The following GAP43 variants were observed in gnomAD, a reference collection of about 807,000 sequenced individuals.
GAP43 encodes the protein neuromodulin.
In GAP43, 6 loss-of-function variants were observed where a neutral mutation model predicts 18.6. That is an observed-to-expected ratio of 0.32 (90% CI 0.18 to 0.64). The LOEUF is 0.64. GAP43 is among the 30% of genes least tolerant of loss of function. The probability of loss-of-function intolerance (pLI) is 0.78; values close to 1 mark genes in which losing one functional copy is unlikely to be tolerated. For synonymous variants in GAP43, 115 were observed against 111.4 expected (o/e 1.03, Z -0.20); for missense variants, 292 against 295.5 (o/e 0.99, Z 0.09).
intron 1 of GAP43, chr3:115,661,092 C>T (rs1708651995): frequency 6.6e-6 from 1 of 152,084 alleles, no homozygotes. Context: ...ATGTTTCTTT[C>T]ACACATAAGC....
intron 1 of GAP43, among the ~76,000 whole-genome samples, chr3:115,642,579 C>T (rs1057389685): frequency 6.6e-6 from 1 of 151,972 alleles, no homozygotes; most frequent in African/African-American, 2.4e-5. Context: ...CCAGTATAGG[C>T]TTACACTAAT....
chr3:115,632,832 ATTTCT>A (rs1227627951), intron 1 of GAP43, among the ~76,000 whole-genome samples: 22 of 152,138 alleles, frequency 1.4e-4, no homozygotes, highest in African/African-American at 5.3e-4. Context: ...GGAAATAATG[ATTTCT>A]TTAATTATAT....
At chr3:115,711,511 A>C (rs283368) in intron 2 of GAP43, among the ~76,000 whole-genome samples, 55,526 of 143,870 alleles carry the variant, frequency 0.39, 10,341 homozygotes, top group South Asian at 0.48. Flanking sequence ...ACACACACAC[A>C]CCCCCCTACA....
intron 1 of GAP43, chr3:115,663,891 G>A (rs1352157987): frequency 6.4e-7 from 1 of 1,551,996 alleles, no homozygotes. Context: ...TATTCACTTG[G>A]CTTCTTGACT....
intron 1 of GAP43, among the ~76,000 whole-genome samples, chr3:115,630,167 C>T (rs908467531): frequency 1.3e-5 from 2 of 152,080 alleles, no homozygotes; most frequent in African/African-American, 4.8e-5. Context: ...ACAAATAGAC[C>T]GTAAATCAAT....
intron 2 of GAP43, among the ~76,000 whole-genome samples, chr3:115,703,122 A>G (rs1332860229): frequency 6.6e-6 from 1 of 152,078 alleles, no homozygotes; most frequent in Non-Finnish European, 1.5e-5. Flanking sequence ...GGTAAATGAG[A>G]AAAGGCCTTA....
intron 1 of GAP43, chr3:115,663,871 A>G (rs1033617485): frequency 1.4e-5 from 21 of 1,552,134 alleles, no homozygotes; most frequent in Non-Finnish European, 1.8e-5. Flanking sequence ...GAGCAGTTCG[A>G]CCTAGTCCTT....
intron 1 of GAP43, among the ~76,000 whole-genome samples, chr3:115,667,073 ACT>A (rs985791674): frequency 3.9e-5 from 6 of 151,986 alleles, no homozygotes; most frequent in Non-Finnish European, 7.4e-5. Flanking sequence ...GAGTTTACAC[ACT>A]CTCTGAGCAC....
chr3:115,681,316 C>T (rs1708955388), intron 2 of GAP43, among the ~76,000 whole-genome samples: 1 of 152,254 alleles, frequency 6.6e-6, no homozygotes, highest in African/African-American at 2.4e-5. Context: ...AAATGAGGAT[C>T]AAACTGATTG....
intron 2 of GAP43, among the ~76,000 whole-genome samples, chr3:115,688,643 G>A (rs533098560): frequency 6.6e-6 from 1 of 152,144 alleles, no homozygotes; most frequent in Non-Finnish European, 1.5e-5. Flanking sequence ...ACATGCCTGG[G>A]CAATGGGGCC....
Position 115,676,250 on chromosome 3 carries a change from G to A in GAP43, c.268G>A (p.Ala90Thr). The change falls in exon 2 of 3, where the codon GCA (alanine) becomes ACA (threonine). Residue 90 changes from alanine to threonine, a missense_variant. Coordinates refer to ENST00000305124, the MANE Select transcript of GAP43 (RefSeq NM_002045.4). The stretch of plus-strand genomic sequence containing the variant: ...GGGAGAAGGCACCACTACTGCCGAA[G>A]CAGCCCCAGCCACTGGCTCCAAGCC... ...KKGEGTTTAE[A>T]APATGSKPDE... 2 of 1,614,166 alleles carry A rather than the reference G, an allele frequency of 1.2e-6. No individual in the cohort carries two copies. Among genetic ancestry groups the A allele is most frequent in the Non-Finnish European group, 1.7e-6 (2 of 1,180,030 alleles).
At chr3:115,681,731 C>A (rs943513652) in intron 2 of GAP43, among the ~76,000 whole-genome samples, 4 of 152,162 alleles carry the variant, frequency 2.6e-5, no homozygotes, top group African/African-American at 7.2e-5. Flanking sequence ...ACTGCCAGGT[C>A]CTGTGCTGAG....
At chr3:115,648,333 C>T (rs1012143858) in intron 1 of GAP43, among the ~76,000 whole-genome samples, 1 of 152,092 alleles carries the variant, frequency 6.6e-6, no homozygotes, top group African/African-American at 2.4e-5. Context: ...CCACTGGGCT[C>T]TTTGTCCTGC....
rs912563513 is a variant in GAP43 at position 115,687,726 on chromosome 3, G to A, written c.628+11116G>A. On this transcript the variant is annotated intron_variant, in intron 2 of 2. Transcript: ENST00000305124. ...CCCTACACCTCTACCAAACTATTTC[G>A]TGATCTTGGTTAAACTTTGATTTCA... Among the ~76,000 whole-genome samples the A allele has an allele frequency of 4.6e-5, 7 of 152,038 alleles. No homozygotes were observed. The East Asian group carries it at 5.8e-4, about 13-fold the overall frequency.
chr3:115,668,400 C>A (rs996695939), intron 1 of GAP43, among the ~76,000 whole-genome samples: 8 of 152,088 alleles, frequency 5.3e-5, no homozygotes, highest in Non-Finnish European at 8.8e-5. Flanking sequence ...GATTCTCCAG[C>A]AATCTCCCAT....
chr3:115,708,316 A>G lies in GAP43; in HGVS notation c.629-12478A>G, dbSNP rs139896840. Among the ~76,000 whole-genome samples the G allele has an allele frequency of 5.6e-4, 85 of 152,348 alleles. 1 individual carries two copies. Among genetic ancestry groups the G allele is most frequent in the African/African-American group, 2.0e-3 (85 of 41,590 alleles). The stretch of plus-strand genomic sequence containing the variant: ...GTTGAAAATGTAGTTGAGCTGGGTC[A>G]TAGGAATTATAAGCAGTAAATCCAA... On this transcript the variant is annotated intron_variant, in intron 2 of 2. Coordinates refer to ENST00000305124, the MANE Select transcript of GAP43 (RefSeq NM_002045.4).
chr3:115,688,113 T>G (rs1709058626), intron 2 of GAP43, among the ~76,000 whole-genome samples: 1 of 151,864 alleles, frequency 6.6e-6, no homozygotes, highest in African/African-American at 2.4e-5. Context: ...GCCTCCCGGG[T>G]TCAACCGATT....
chr3:115,698,181 T>C (rs1709238203), intron 2 of GAP43, among the ~76,000 whole-genome samples: 1 of 36,368 alleles, frequency 2.7e-5, no homozygotes, highest in African/African-American at 1.0e-4. Flanking sequence ...TTAAATAATA[T>C]ATATATTAAA....
chr3:115,676,172 G>A lies in GAP43; in HGVS notation c.190G>A (p.Ala64Thr). Reference sequence around the variant, plus strand: ...GAAGGATGATGTCCAAGCTGCTGAGGCTGAAGCTAATAAGAAGGATGAAGC... The same window carrying A: ...GAAGGATGATGTCCAAGCTGCTGAGACTGAAGCTAATAAGAAGGATGAAGC... The part of the protein sequence containing the change: ...EKKDDVQAAE[A>T]EANKKDEAPV... The change falls in exon 2 of 3, where the codon GCT (alanine) becomes ACT (threonine). Residue 64 changes from alanine (A) to threonine (T), a missense_variant. By Grantham distance (58) the Ala-to-Thr change is moderately conservative (BLOSUM62 0). Coordinates refer to ENST00000305124, the MANE Select transcript of GAP43 (RefSeq NM_002045.4). 6.2e-7 allele frequency: 1 copy of A among 1,614,178 alleles called. No homozygotes were observed. The highest frequency in any genetic ancestry group is 8.5e-7 in the Non-Finnish European group (1 of 1,180,022).
Sources: gnomAD v4.1 joint callset for allele counts (sites outside exome capture counted in the v4.1 genomes callset) on GRCh38, gnomAD v4.1.1 for gene constraint, MANE v1.5 for transcripts, NCBI Gene and HGNC (gene_info 2026-07-23, HGNC 2026-07-21) for gene names.